SOX5: variants seen among roughly 807,000 people sequenced by gnomAD.
SOX5 encodes transcription factor SOX-5.
In SOX5, 9 loss-of-function variants were observed where a neutral mutation model predicts 92.0. That is an observed-to-expected ratio of 0.10 (90% confidence interval 0.06 to 0.17). SOX5 has a LOEUF of 0.17. Ranked by LOEUF, SOX5 falls within the 10% of genes least tolerant of loss-of-function variation. SOX5 has a pLI of 1.00. For synonymous variants in SOX5, 344 were observed against 336.3 expected (o/e 1.02, Z -0.25); for missense variants, 642 against 944.5 (o/e 0.68, Z 4.20).
chr12:24,357,854 AG>A (rs367594374), intron 2 of SOX5, among the ~76,000 whole-genome samples: 18,715 of 140,990 alleles, frequency 0.13, 1,702 homozygotes, highest in South Asian at 0.36. Context: ...AAAAAAAAAA[AG>A]AAAGAAGAAA....
intron 6 of SOX5, among the ~76,000 whole-genome samples, chr12:23,689,202 A>G (rs2088260568): frequency 6.6e-6 from 1 of 152,108 alleles, no homozygotes; most frequent in South Asian, 2.1e-4. Context: ...CCATTTGGCT[A>G]CAGCATTATC....
chr12:23,686,556 T>A (rs2087625251), intron 6 of SOX5, among the ~76,000 whole-genome samples: 1 of 152,174 alleles, frequency 6.6e-6, no homozygotes, highest in Non-Finnish European at 1.5e-5. Context: ...TGATTTTAAT[T>A]ATTCAAAAGA....
intron 4 of SOX5, among the ~76,000 whole-genome samples, chr12:24,160,566 A>G (rs1952652116): frequency 6.6e-6 from 1 of 152,048 alleles, no homozygotes; most frequent in Non-Finnish European, 1.5e-5. Context: ...CTGTTATTAC[A>G]AGATTGATTC....
chr12:24,280,021 T>C (rs1944968000), intron 2 of SOX5, among the ~76,000 whole-genome samples: 1 of 152,172 alleles, frequency 6.6e-6, no homozygotes, highest in South Asian at 2.1e-4. Flanking sequence ...CATTAAATCA[T>C]TGTTTTTTTT....
At chr12:24,343,732 A>T (rs895385467) in intron 2 of SOX5, among the ~76,000 whole-genome samples, 6 of 152,146 alleles carry the variant, frequency 3.9e-5, no homozygotes, top group Non-Finnish European at 7.3e-5. Context: ...CTGCCAAAAA[A>T]ATAAGCTGCT....
intron 4 of SOX5, among the ~76,000 whole-genome samples, chr12:24,034,039 A>G (rs1955774516): frequency 6.6e-6 from 1 of 152,018 alleles, no homozygotes; most frequent in South Asian, 2.1e-4. Flanking sequence ...AAGACACCAA[A>G]TTTAGGACTA....
At chr12:23,965,102 C>G (rs184423572) in intron 4 of SOX5, among the ~76,000 whole-genome samples, 5 of 152,304 alleles carry the variant, frequency 3.3e-5, no homozygotes, top group African/African-American at 1.2e-4. Context: ...TGCCTGTCAG[C>G]CTTGACATTC....
intron 8 of SOX5, among the ~76,000 whole-genome samples, chr12:23,628,225 A>G (rs1393874335): frequency 6.6e-6 from 1 of 152,050 alleles, no homozygotes; most frequent in Admixed American, 6.6e-5. Context: ...CTTTTAAACC[A>G]AAGAATGAAA....
intron 4 of SOX5, among the ~76,000 whole-genome samples, chr12:23,974,206 G>T (rs958186247): frequency 6.6e-6 from 1 of 152,004 alleles, no homozygotes; most frequent in Non-Finnish European, 1.5e-5. Context: ...CAGAAATCAC[G>T]CAAAGCAAAA....
intron 1 of SOX5, among the ~76,000 whole-genome samples, chr12:24,398,249 A>G (rs1022883078): frequency 1.3e-5 from 2 of 152,168 alleles, no homozygotes; most frequent in African/African-American, 2.4e-5. Context: ...CACGCCTGTA[A>G]TCCCAACCCT....
At chr12:23,688,045 T>C (rs1395252990) in intron 6 of SOX5, among the ~76,000 whole-genome samples, 1 of 152,058 alleles carries the variant, frequency 6.6e-6, no homozygotes, top group East Asian at 1.9e-4. Context: ...AGCTGGACCT[T>C]TGGGTCCCAA....
chr12:23,549,931 A>C (rs550809780), intron 11 of SOX5, among the ~76,000 whole-genome samples: 1 of 152,140 alleles, frequency 6.6e-6, no homozygotes, highest in East Asian at 1.9e-4. Flanking sequence ...GTTGTAGACC[A>C]CATGGTTTCC....
chr12:24,336,290 T>A (rs1024253834), intron 2 of SOX5, among the ~76,000 whole-genome samples: 5 of 152,020 alleles, frequency 3.3e-5, no homozygotes, highest in Admixed American at 3.3e-4. Context: ...AGACGGTGTT[T>A]CACCATGTTA....
chr12:24,095,146 G>GAGAGAA (rs1593111364), intron 4 of SOX5, among the ~76,000 whole-genome samples: 1 of 150,164 alleles, frequency 6.7e-6, no homozygotes, highest in Non-Finnish European at 1.5e-5. Flanking sequence ...GAGAGAGAGA[G>GAGAGAA]AGAGAGAGAG....
At chr12:24,508,348 G>A (rs1948996809) in intron 1 of SOX5, among the ~76,000 whole-genome samples, 2 of 152,232 alleles carry the variant, frequency 1.3e-5, no homozygotes, top group Non-Finnish European at 2.9e-5. Context: ...AGGGGGCCAG[G>A]AATTAGTCAC....
intron 2 of SOX5, among the ~76,000 whole-genome samples, chr12:23,888,900 C>T (rs536797417): frequency 6.6e-6 from 1 of 152,192 alleles, no homozygotes; most frequent in South Asian, 2.1e-4. Context: ...TTGAATTAGC[C>T]TTGTTCAGAT....
At chr12:23,991,826 T>C (rs1418479103) in intron 4 of SOX5, among the ~76,000 whole-genome samples, 2 of 151,808 alleles carry the variant, frequency 1.3e-5, no homozygotes, top group Non-Finnish European at 2.9e-5. Context: ...GACCAAATTG[T>C]CACATGAAAA....
chr12:24,435,776 T>TGC (rs1939306859), intron 1 of SOX5, among the ~76,000 whole-genome samples: 1 of 152,180 alleles, frequency 6.6e-6, no homozygotes, highest in African/African-American at 2.4e-5. Flanking sequence ...TTTTGTTTTC[T>TGC]TTTTAACAAA....
At chr12:23,991,539 T>C (rs949566110) in intron 4 of SOX5, among the ~76,000 whole-genome samples, 1 of 151,970 alleles carries the variant, frequency 6.6e-6, no homozygotes, top group East Asian at 1.9e-4. Flanking sequence ...TTTCCAGTTA[T>C]AAAATAAATT....
Sources: gnomAD v4.1 joint callset for allele counts (sites outside exome capture counted in the v4.1 genomes callset) on GRCh38, gnomAD v4.1.1 for gene constraint, MANE v1.5 for transcripts, NCBI Gene and HGNC (gene_info 2026-07-23, HGNC 2026-07-21) for gene names.